Variants in DHX35 observed in about 807,000 individuals in gnomAD.
The protein encoded by DHX35 is probable ATP-dependent RNA helicase DHX35.
DHX35 carries 84 observed loss-of-function variants against 99.6 expected under a neutral mutation model. That is an observed-to-expected ratio of 0.84 (90% CI 0.71 to 1.01). The LOEUF is 1.01. Among genes scored for constraint, DHX35 ranks in the 50% least tolerant of loss-of-function variants. DHX35 has a pLI of 0.00. For missense variants in DHX35, 852 were observed against 888.5 expected (o/e 0.96, Z 0.52); for synonymous variants, 331 against 316.2 (o/e 1.05, Z -0.50).
intron 14 of DHX35, among the ~76,000 whole-genome samples, chr20:39,018,417 C>T (rs2086820487): frequency 6.6e-6 from 1 of 151,936 alleles, no homozygotes; most frequent in Non-Finnish European, 1.5e-5. Flanking sequence ...AGGAAGATGC[C>T]TTGCGTTTGG....
chr20:38,965,759 T>G (rs901349790), intron 1 of DHX35, among the ~76,000 whole-genome samples: 2 of 152,098 alleles, frequency 1.3e-5, no homozygotes, highest in Admixed American at 1.3e-4. Context: ...ACCTTAGGAG[T>G]GTGACTTAAG....
intron 17 of DHX35, 64 bp downstream of exon 17, chr20:39,023,831 G>A (rs2086910248): frequency 1.4e-6 from 2 of 1,395,594 alleles, no homozygotes; most frequent in Non-Finnish European, 2.0e-6. Context: ...GATCTAGGAG[G>A]GAGGATCCCA....
chr20:38,991,756 TTTTTA>T (rs1235794869), intron 6 of DHX35, among the ~76,000 whole-genome samples: 1 of 152,224 alleles, frequency 6.6e-6, no homozygotes, highest in Non-Finnish European at 1.5e-5. Context: ...TGACTTGTCC[TTTTTA>T]TTTTGCCTTG....
chr20:38,986,698 A>G (rs920833086), intron 4 of DHX35, among the ~76,000 whole-genome samples: 2 of 152,196 alleles, frequency 1.3e-5, no homozygotes, highest in Admixed American at 1.3e-4. Context: ...ACAATAACAA[A>G]TCTGTCCTGG....
chr20:39,011,636 C>A (rs114200487), intron 13 of DHX35, among the ~76,000 whole-genome samples: 38 of 152,232 alleles, frequency 2.5e-4, no homozygotes, highest in African/African-American at 6.8e-4. Flanking sequence ...CCACCACCCC[C>A]GGCCTCTTTG....
chr20:39,022,210 G>T (rs973504801), intron 16 of DHX35, among the ~76,000 whole-genome samples: 1 of 152,076 alleles, frequency 6.6e-6, no homozygotes, highest in African/African-American at 2.4e-5. Flanking sequence ...GCTCAGGCTG[G>T]AATGCAGTGG....
At chr20:39,017,064 T>C (rs1374170495) in intron 14 of DHX35, among the ~76,000 whole-genome samples, 4 of 152,216 alleles carry the variant, frequency 2.6e-5, no homozygotes, top group Non-Finnish European at 5.9e-5. Context: ...CATTTATCTG[T>C]ATTTTTCTTT....
intron 12 of DHX35, among the ~76,000 whole-genome samples, chr20:39,007,446 T>C (rs1208809318): frequency 6.6e-6 from 1 of 152,210 alleles, no homozygotes; most frequent in Non-Finnish European, 1.5e-5. Context: ...AGGCTTTTCC[T>C]TGGGCTGTTT....
intron 15 of DHX35, among the ~76,000 whole-genome samples, chr20:39,021,213 C>G (rs2086867278): frequency 1.3e-5 from 2 of 152,202 alleles, no homozygotes; most frequent in Non-Finnish European, 2.9e-5. Context: ...AGCAGAGAAA[C>G]AGCAGAAGGG....
chr20:38,962,481 G>A, intron 1 of DHX35, 74 bp downstream of exon 1: 2 of 1,556,552 alleles, frequency 1.3e-6, no homozygotes, highest in Non-Finnish European at 1.7e-6. Flanking sequence ...CGGCGCCCTG[G>A]GGCCAGCAGA....
rs190016991 is a variant in DHX35 at position 38,993,047 on chromosome 20, C to G, written c.582+622C>G. Among the ~76,000 whole-genome samples the G allele has an allele frequency of 3.3e-3, 504 of 152,324 alleles. 1 individual carries two copies. The highest frequency in any genetic ancestry group is 0.012 in the African/African-American group (480 of 41,570). On this transcript the variant is annotated intron_variant, in intron 7 of 21. Coordinates refer to ENST00000252011, the MANE Select transcript of DHX35 (RefSeq NM_021931.4). ...TCTTGTTTCAATCTTAACCTCCACT[C>G]TCTCCTCCCTTCCCATATTTTCTGA... is the stretch of plus-strand genomic sequence containing the variant.
At chr20:38,996,283 T>C (rs965428483) in intron 8 of DHX35, among the ~76,000 whole-genome samples, 9 of 152,240 alleles carry the variant, frequency 5.9e-5, no homozygotes, top group Non-Finnish European at 4.4e-5. Flanking sequence ...CACTAAAATA[T>C]AAGCTCCATG....
chr20:39,036,584 G>A (rs1443566316), intron 21 of DHX35, among the ~76,000 whole-genome samples: 1 of 151,680 alleles, frequency 6.6e-6, no homozygotes, highest in African/African-American at 2.4e-5. Context: ...AAATTAGCCG[G>A]GCATGGTGGC....
At chr20:38,969,475 C>G (rs1388529244) in intron 2 of DHX35, among the ~76,000 whole-genome samples, 1 of 152,170 alleles carries the variant, frequency 6.6e-6, no homozygotes, top group East Asian at 1.9e-4. Context: ...CCCTTTATTC[C>G]TTTCAGCTGT....
chr20:39,011,587 C>T lies in DHX35; in HGVS notation c.1347+1183C>T, dbSNP rs576134455. Reference sequence around the variant, plus strand: ...CCTGAGCAGGTCAGGTGATCCACCCCGTCTGGGCCTCCCGAAGTGCTAGGA... The same window carrying T: ...CCTGAGCAGGTCAGGTGATCCACCCTGTCTGGGCCTCCCGAAGTGCTAGGA... On this transcript the variant is annotated intron_variant, in intron 13 of 21. Coordinates refer to ENST00000252011, the MANE Select transcript of DHX35 (RefSeq NM_021931.4). Among the ~76,000 whole-genome samples the T allele has an allele frequency of 4.6e-5, 7 of 152,298 alleles. 1 individual carries two copies. In the South Asian group the frequency reaches 6.2e-4, roughly 14 times the overall value.
chr20:38,998,492 GACAACCCTGC>G (rs1427835011), intron 8 of DHX35, among the ~76,000 whole-genome samples: 1 of 152,142 alleles, frequency 6.6e-6, no homozygotes, highest in Non-Finnish European at 1.5e-5. Context: ...TGAGCTAGAA[GACAACCCTGC>G]AGATGGCCAT....
At chr20:39,034,166 C>A in intron 20 of DHX35, 40 bp from the exon 21 acceptor site, 2 of 1,490,060 alleles carry the variant, frequency 1.3e-6, no homozygotes, top group Non-Finnish European at 1.9e-6. Context: ...ACTGTCATCA[C>A]AAGAGGGGGA....
chr20:39,026,145 T>C (rs2145938223), intron 18 of DHX35, among the ~76,000 whole-genome samples: 1 of 152,316 alleles, frequency 6.6e-6, no homozygotes, highest in African/African-American at 2.4e-5. Context: ...CATTAGTACT[T>C]GGTAACATTT....
chr20:38,982,743 A>C (rs2086192200), intron 3 of DHX35, among the ~76,000 whole-genome samples: 1 of 152,180 alleles, frequency 6.6e-6, no homozygotes, highest in African/African-American at 2.4e-5. Context: ...AGGTACACGC[A>C]GTAACTTTTA....
Sources: gnomAD v4.1 joint callset for allele counts (sites outside exome capture counted in the v4.1 genomes callset) on GRCh38, gnomAD v4.1.1 for gene constraint, MANE v1.5 for transcripts, NCBI Gene and HGNC (gene_info 2026-07-23, HGNC 2026-07-21) for gene names.